TRIM22: variants seen among roughly 807,000 people sequenced by gnomAD.
The protein encoded by TRIM22 is E3 ubiquitin-protein ligase TRIM22.
In TRIM22, 45 loss-of-function variants were observed where a neutral mutation model predicts 53.6. The observed-to-expected ratio is 0.84, with a 90% CI of 0.66 to 1.08. TRIM22 has a LOEUF of 1.08. Ranked by LOEUF, TRIM22 falls within the 50% of genes least tolerant of loss-of-function variation. The probability of loss-of-function intolerance (pLI) is 0.00; values close to 1 mark genes in which losing one functional copy is unlikely to be tolerated. For missense variants in TRIM22, 616 were observed against 590.9 expected (o/e 1.04, Z -0.44); for synonymous variants, 225 against 216.6 (o/e 1.04, Z -0.34).
chr11:5,694,883 A>G (rs1007891966), intron 1 of TRIM22, among the ~76,000 whole-genome samples: 4 of 152,074 alleles, frequency 2.6e-5, no homozygotes, highest in African/African-American at 9.7e-5. Context: ...TAGGATGTAA[A>G]CACTTCTTCA....
At chr11:5,697,458 T>A in intron 3 of TRIM22, 115 bp downstream of exon 3, 1 of 692,486 alleles carries the variant, frequency 1.4e-6, no homozygotes, top group Non-Finnish European at 2.4e-6. Context: ...AGCATAGAAG[T>A]CATTTGATTA....
At position 5,709,594 on chromosome 11, in the gene TRIM22, T is replaced by A. The variant is rs777349730; in HGVS notation, c.1443T>A (p.Tyr481Ter). The change falls in exon 8 of 8, where the codon TAT becomes TAA. Residue 481 changes from tyrosine (Y) to a stop codon, truncating the protein, a stop_gained. Transcript: ENST00000379965. LOFTEE classifies it high-confidence loss of function. Reference protein sequence around the residue: ...GCRFSRPAYPYFNPWNCLVPM... With the variant: ...GCRFSRPAYP ...GCTTTTCTCGACCTGCTTATCCGTATTTCAATCCTTGGAACTGCCTAGTCC... is the reference window on the plus strand; with the variant it reads ...GCTTTTCTCGACCTGCTTATCCGTAATTCAATCCTTGGAACTGCCTAGTCC... 6 of 1,612,584 alleles carry A rather than the reference T, an allele frequency of 3.7e-6. No homozygotes were observed. Among genetic ancestry groups the A allele is most frequent in the Non-Finnish European group, 4.2e-6 (5 of 1,180,036 alleles).
chr11:5,702,286 T>C (rs1853386879), intron 4 of TRIM22, among the ~76,000 whole-genome samples: 1 of 145,484 alleles, frequency 6.9e-6, no homozygotes, highest in Non-Finnish European at 1.5e-5. Context: ...TGCCTAAAGG[T>C]ATATATATAA....
In TRIM22 at chr11:5,698,200, C is replaced by CTAT. The variant is rs745589842; in HGVS notation, c.520-113_520-111dup. On this transcript the variant is annotated intron_variant, in intron 3 of 7. Transcript: ENST00000379965. ...GAAATTGTGTATTGGCTTTTGCCTC[C>CTAT]TATTCCTTTTGAGAACTCCCTGAGG... 454 of 816,942 alleles carry CTAT rather than the reference C, an allele frequency of 5.6e-4. 4 individuals are homozygous for CTAT. The highest frequency in any genetic ancestry group is 1.7e-4 in the Admixed American group (7 of 41,498). The allele number at this position is 816,942 out of a possible 1,614,324, so 50.6% of individuals were successfully genotyped here.
At chr11:5,698,834 C>A (rs1438841073) in intron 4 of TRIM22, among the ~76,000 whole-genome samples, 1 of 152,202 alleles carries the variant, frequency 6.6e-6, no homozygotes, top group Admixed American at 6.5e-5. Context: ...ACTTTCCCAT[C>A]ACATCAAAAA....
intron 4 of TRIM22, among the ~76,000 whole-genome samples, chr11:5,699,561 A>C (rs1853332218): frequency 6.8e-6 from 1 of 147,178 alleles, no homozygotes; most frequent in Non-Finnish European, 1.5e-5. Context: ...AAAAAAAAAA[A>C]AAAAAAAAGA....
At chr11:5,695,077 T>A (rs1216279577) in intron 1 of TRIM22, among the ~76,000 whole-genome samples, 1 of 152,192 alleles carries the variant, frequency 6.6e-6, no homozygotes, top group Non-Finnish European at 1.5e-5. Context: ...ATAGAGGACA[T>A]ATCAGTGAAC....
At chr11:5,692,005 G>T (rs1853180905) in intron 1 of TRIM22, among the ~76,000 whole-genome samples, 1 of 151,756 alleles carries the variant, frequency 6.6e-6, no homozygotes, top group Non-Finnish European at 1.5e-5. Context: ...AAGCATACAG[G>T]TATAGTAAAA....
In TRIM22 at chr11:5,689,910, C is replaced by T. The variant is rs1853147212; in HGVS notation, c.-67+11C>T. 1 of 152,272 alleles carries T rather than the reference C, an allele frequency of 6.6e-6. No individual in the cohort carries two copies. Among genetic ancestry groups the T allele is most frequent in the South Asian group, 2.1e-4 (1 of 4,836 alleles). 9.4% of individuals were successfully genotyped at this position (152,272 alleles called of 1,614,324 possible). On this transcript the variant is annotated intron_variant, in intron 1 of 7. Transcript: ENST00000379965. Reference sequence around the variant, plus strand: ...TGCTTTGGACTGAAGGTGAGTGGAGCAATCTGTGGGAGCATAGAATGGGAG... The same window carrying T: ...TGCTTTGGACTGAAGGTGAGTGGAGTAATCTGTGGGAGCATAGAATGGGAG...
intron 2 of TRIM22, chr11:5,696,976 G>C (rs1027245001): frequency 2.0e-6 from 1 of 495,036 alleles, no homozygotes; most frequent in Non-Finnish European, 3.5e-6. Context: ...GAGTGGCAAT[G>C]AAAGGACGTC....
chr11:5,690,864 G>C (rs969514583), intron 1 of TRIM22, among the ~76,000 whole-genome samples: 4 of 152,202 alleles, frequency 2.6e-5, no homozygotes, highest in Non-Finnish European at 4.4e-5. Flanking sequence ...CCCTTATCTG[G>C]ATCTGGGTAT....
chr11:5,697,164 G>A (rs534465050), intron 2 of TRIM22, 84 bp from the exon 3 acceptor site: 2 of 1,024,430 alleles, frequency 2.0e-6, no homozygotes, highest in Admixed American at 2.9e-5. Flanking sequence ...TCTTCTGAGA[G>A]CCATCCAATT....
intron 1 of TRIM22, among the ~76,000 whole-genome samples, chr11:5,695,183 G>A (rs554332103): frequency 8.5e-5 from 13 of 152,288 alleles, no homozygotes; most frequent in African/African-American, 3.1e-4. Context: ...AAAATAAGAA[G>A]CTAAATGTGC....
chr11:5,691,207 G>C (rs1853166726), intron 1 of TRIM22: 1 of 152,220 alleles, frequency 6.6e-6, no homozygotes, highest in Admixed American at 6.5e-5. Flanking sequence ...TTCGGCCAGG[G>C]GCATAGGCAA....
At chr11:5,696,778 C>T (rs976007903) in intron 2 of TRIM22, 123 bp downstream of exon 2, 1 of 1,027,646 alleles carries the variant, frequency 9.7e-7, no homozygotes, top group Non-Finnish European at 1.4e-6. Flanking sequence ...CCTGTGATCT[C>T]TTTCCATACT....
chr11:5,698,216 C>A, intron 3 of TRIM22, 99 bp from the exon 4 acceptor site: 1 of 957,986 alleles, frequency 1.0e-6, no homozygotes, highest in South Asian at 1.5e-5. Context: ...CTTTTGAGAA[C>A]TCCCTGAGGA....
chr11:5,703,355 T>C (rs1217346498), intron 4 of TRIM22, among the ~76,000 whole-genome samples: 1 of 152,008 alleles, frequency 6.6e-6, no homozygotes, highest in Non-Finnish European at 1.5e-5. Context: ...GCTGCATCCA[T>C]GTTGTTGCAA....
chr11:5,698,597 G>A (rs1853313336), intron 4 of TRIM22, 52 bp downstream of exon 4: 1 of 1,455,762 alleles, frequency 6.9e-7, no homozygotes, highest in African/African-American at 1.4e-5. Flanking sequence ...AAAACACAGA[G>A]GCCGATTTTC....
intron 4 of TRIM22, among the ~76,000 whole-genome samples, chr11:5,701,854 C>G (rs1053106996): frequency 3.3e-5 from 5 of 152,070 alleles, no homozygotes; most frequent in Non-Finnish European, 5.9e-5. Flanking sequence ...AAAAACCATA[C>G]AGTTTGTGCT....
Sources: allele counts gnomAD v4.1 joint callset (sites outside exome capture counted in the v4.1 genomes callset), GRCh38; gene constraint gnomAD v4.1.1; transcripts MANE v1.5; gene names NCBI Gene and HGNC (gene_info 2026-07-23, HGNC 2026-07-21).